COL25A1: variants seen among roughly 807,000 people sequenced by gnomAD.
COL25A1 encodes the protein collagen type XXV alpha 1 chain, also known as collagen alpha-1(XXV) chain.
In COL25A1, 103 loss-of-function variants were observed where a neutral mutation model predicts 128.4. The observed-to-expected ratio is 0.80, with a 90% CI of 0.68 to 0.94. The LOEUF is 0.94. Ranked by LOEUF, COL25A1 falls within the 40% of genes least tolerant of loss-of-function variation. COL25A1 has a pLI of 0.00. For missense variants in COL25A1, 745 were observed against 840.0 expected (o/e 0.89, Z 1.40); for synonymous variants, 279 against 277.2 (o/e 1.01, Z -0.06).
chr4:109,075,869 A>G (rs544732605), intron 3 of COL25A1, among the ~76,000 whole-genome samples: 33 of 152,314 alleles, frequency 2.2e-4, no homozygotes, highest in Admixed American at 9.8e-4. Context: ...ATGTTTAAGC[A>G]TTAACAATAA....
Position 108,884,160 on chromosome 4 carries a change from T to C in COL25A1, c.1020+18A>G, listed in dbSNP as rs766180434. The C allele has an allele frequency of 2.5e-6, 4 of 1,612,966 alleles. No individual in the cohort carries two copies. The South Asian group carries it at 4.4e-5, about 18-fold the overall frequency. On this transcript the variant is annotated intron_variant, in intron 19 of 37. Coordinates refer to ENST00000399132, the MANE Select transcript of COL25A1 (RefSeq NM_198721.4). Reference sequence around the variant, plus strand: ...AATTACAGTTCTGTGAAGCCGAGACTGTCCGTGCAGTATTTACCTTTATCC... The same window carrying C: ...AATTACAGTTCTGTGAAGCCGAGACCGTCCGTGCAGTATTTACCTTTATCC...
At chr4:108,950,562 T>G (rs1749298286) in intron 8 of COL25A1, among the ~76,000 whole-genome samples, 1 of 152,208 alleles carries the variant, frequency 6.6e-6, no homozygotes, top group South Asian at 2.1e-4. Context: ...AAATATATTT[T>G]CCTTTTCTAA....
In COL25A1 at chr4:109,243,897, G is replaced by A. The variant is rs577368869; in HGVS notation, c.367+56686C>T. ...TATAAAATCTATGTTTTTTGAGTGAGTTTCTCTTGCATCTGTTGAGCATGT... is the reference window on the plus strand; with the variant it reads ...TATAAAATCTATGTTTTTTGAGTGAATTTCTCTTGCATCTGTTGAGCATGT... On this transcript the variant is annotated intron_variant, in intron 3 of 37. Transcript: ENST00000399132. Among the ~76,000 whole-genome samples the A allele has an allele frequency of 7.9e-5, 12 of 152,130 alleles. No individual in the cohort carries two copies. In the South Asian group the frequency reaches 1.2e-3, roughly 16 times the overall value.
At chr4:109,048,094 G>T (rs1366700486) in intron 5 of COL25A1, 74 bp downstream of exon 5, 4 of 1,437,398 alleles carry the variant, frequency 2.8e-6, no homozygotes, top group African/African-American at 2.8e-5. Context: ...ACTATATTTT[G>T]GTGTTTTAAC....
chr4:108,814,919 G>C (rs986649512), intron 37 of COL25A1, among the ~76,000 whole-genome samples: 3 of 152,086 alleles, frequency 2.0e-5, no homozygotes, highest in Non-Finnish European at 4.4e-5. Context: ...ATTAACATTT[G>C]TTTTTCTCTA....
At chr4:108,994,676 C>A (rs1305604403) in intron 6 of COL25A1, among the ~76,000 whole-genome samples, 1 of 152,202 alleles carries the variant, frequency 6.6e-6, no homozygotes, top group Non-Finnish European at 1.5e-5. Context: ...GGGTCCCTGA[C>A]CCCCGTGTAC....
intron 3 of COL25A1, among the ~76,000 whole-genome samples, chr4:109,289,218 G>A (rs977667506): frequency 2.0e-5 from 3 of 151,992 alleles, no homozygotes; most frequent in Non-Finnish European, 2.9e-5. Context: ...CTATAGACAT[G>A]CAAACTCTGA....
intron 3 of COL25A1, among the ~76,000 whole-genome samples, chr4:109,228,056 C>T (rs1013947524): frequency 5.3e-5 from 8 of 152,230 alleles, no homozygotes; most frequent in South Asian, 2.1e-4. Flanking sequence ...ATGTCCCCAG[C>T]GGCAGAAGAA....
rs61400810 is a variant in COL25A1, at chr4:109,068,328, C to T, written c.368-18149G>A. 3.9e-3 allele frequency among the ~76,000 whole-genome samples: 592 copies of T among 151,944 alleles called. 8 individuals are homozygous for T. Among genetic ancestry groups the T allele is most frequent in the Middle Eastern group, 0.017 (5 of 292 alleles). On this transcript the variant is annotated intron_variant, in intron 3 of 37. Transcript: ENST00000399132. The stretch of plus-strand genomic sequence containing the variant: ...GTAATGAGTAAGCAGGATATTTAGT[C>T]TAAGGACCTGGTGCACATGCAACAG...
chr4:109,272,815 G>C (rs1324033037), intron 3 of COL25A1, among the ~76,000 whole-genome samples: 2 of 152,102 alleles, frequency 1.3e-5, no homozygotes, highest in South Asian at 2.1e-4. Context: ...ACCAGGCAGA[G>C]AATGAGAGTG....
intron 3 of COL25A1, among the ~76,000 whole-genome samples, chr4:109,072,907 A>G (rs1173051548): frequency 1.3e-5 from 2 of 152,064 alleles, no homozygotes; most frequent in African/African-American, 4.8e-5. Flanking sequence ...CCAACCTCCA[A>G]CATGAGTTGC....
chr4:109,203,371 A>C (rs1296262955), intron 3 of COL25A1, among the ~76,000 whole-genome samples: 1 of 152,176 alleles, frequency 6.6e-6, no homozygotes, highest in East Asian at 1.9e-4. Flanking sequence ...TGGAAATGAG[A>C]GTTCTCAAAA....
chr4:109,084,934 C>T (rs1764220558), intron 3 of COL25A1, among the ~76,000 whole-genome samples: 1 of 151,938 alleles, frequency 6.6e-6, no homozygotes, highest in Non-Finnish European at 1.5e-5. Flanking sequence ...AATTTTTATC[C>T]CTACAATTCC....
intron 3 of COL25A1, among the ~76,000 whole-genome samples, chr4:109,256,087 T>TGG (rs1781066705): frequency 9.2e-6 from 1 of 108,452 alleles, no homozygotes; most frequent in South Asian, 3.0e-4. Context: ...TAAGCATTGG[T>TGG]GTGTGTGTGT....
intron 18 of COL25A1, among the ~76,000 whole-genome samples, chr4:108,888,642 A>G (rs929251741): frequency 1.3e-5 from 2 of 152,252 alleles, no homozygotes; most frequent in Admixed American, 6.5e-5. Context: ...TATCCATAAA[A>G]TGGTATGGCT....
At chr4:109,001,376 C>CATCTGAGATCCTGTCAGGTAGGA (rs1755361596) in intron 6 of COL25A1, among the ~76,000 whole-genome samples, 3 of 152,188 alleles carry the variant, frequency 2.0e-5, no homozygotes, top group Admixed American at 6.5e-5. Context: ...AAGAAACAGG[C>CATCTGAGATCCTGTCAGGTAGGA]ATCTGAGATC....
At chr4:108,989,195 G>A (rs1276027192) in intron 6 of COL25A1, among the ~76,000 whole-genome samples, 5 of 152,218 alleles carry the variant, frequency 3.3e-5, no homozygotes, top group African/African-American at 4.8e-5. Context: ...GATGAAGCTC[G>A]CTGCCAGGCT....
intron 8 of COL25A1, among the ~76,000 whole-genome samples, chr4:108,945,396 C>T (rs1348022791): frequency 6.6e-6 from 1 of 152,134 alleles, no homozygotes; most frequent in Non-Finnish European, 1.5e-5. Context: ...GTGTTGACAC[C>T]TTATGGCTTT....
intron 3 of COL25A1, among the ~76,000 whole-genome samples, chr4:109,133,569 A>C (rs1769421164): frequency 6.6e-6 from 1 of 152,170 alleles, no homozygotes; most frequent in South Asian, 2.1e-4. Context: ...TCTCCTTATC[A>C]AAATATTCTT....
Sources: allele counts gnomAD v4.1 joint callset (sites outside exome capture counted in the v4.1 genomes callset), GRCh38; gene constraint gnomAD v4.1.1; transcripts MANE v1.5; gene names NCBI Gene and HGNC (gene_info 2026-07-23, HGNC 2026-07-21).